The following RPTOR variants were observed in gnomAD, a reference collection of about 807,000 sequenced individuals.
The protein encoded by RPTOR is regulatory-associated protein of mTOR.
RPTOR carries 21 observed loss-of-function variants against 169.9 expected under a neutral mutation model. That is an observed-to-expected ratio of 0.12 (90% CI 0.09 to 0.18). The LOEUF (loss-of-function observed/expected upper bound fraction) is 0.18, where lower values mean the gene tolerates loss of function less well. Among genes scored for constraint, RPTOR ranks in the 10% least tolerant of loss-of-function variants. The probability of loss-of-function intolerance (pLI) is 1.00; values close to 1 mark genes in which losing one functional copy is unlikely to be tolerated. For synonymous variants in RPTOR, 732 were observed against 753.2 expected (o/e 0.97, Z 0.46); for missense variants, 1,133 against 1,855.9 (o/e 0.61, Z 7.16).
Position 80,698,589 on chromosome 17 carries a change from C to T in RPTOR, c.349-9252C>T, listed in dbSNP as rs186025522. 1.2e-4 allele frequency among the ~76,000 whole-genome samples: 19 copies of T among 152,358 alleles called. 1 individual carries two copies. Among genetic ancestry groups the T allele is most frequent in the African/African-American group, 4.6e-4 (19 of 41,580 alleles). ...CCTAGGCCGGCAGCTGGTCAACCTC[C>T]TCAGCCTCGTCACCGTTTAACATCC... On this transcript the variant is annotated intron_variant, in intron 3 of 33. Transcript: ENST00000306801.
chr17:80,960,702 C>T lies in RPTOR; in HGVS notation c.3605+497C>T. The T allele has an allele frequency of 5.1e-6, 1 of 197,392 alleles. No individual in the cohort carries two copies. Among genetic ancestry groups the T allele is most frequent in the Non-Finnish European group, 1.1e-5 (1 of 94,028 alleles). The allele number at this position is 197,392 out of a possible 1,614,324, so 12.2% of individuals were successfully genotyped here. A position where few individuals can be genotyped will look rare whatever the true frequency, so the allele number is the denominator to read the frequency against. On this transcript the variant is annotated intron_variant, in intron 30 of 33. Transcript: ENST00000306801. The surrounding 1 kb of genome is among the most constrained non-coding windows in gnomAD (Gnocchi z 4.8). ...GGTGCTGTCCGCGTCTGGCAGAGGA[C>T]AGGGTACACGCATGGGCACAGCAGC...
intron 6 of RPTOR, among the ~76,000 whole-genome samples, chr17:80,777,236 AAAAAAAAAAAAAG>A (rs2066900039): frequency 7.0e-6 from 1 of 142,504 alleles, no homozygotes. Flanking sequence ...AGACCCTCTC[AAAAAAAAAAAAAG>A]AAAAAAGAAA....
At chr17:80,751,120 A>G (rs2066625939) in intron 5 of RPTOR, among the ~76,000 whole-genome samples, 1 of 152,192 alleles carries the variant, frequency 6.6e-6, no homozygotes, top group African/African-American at 2.4e-5. Flanking sequence ...TCAGAGTCAG[A>G]TGACAGTGCG....
intron 3 of RPTOR, among the ~76,000 whole-genome samples, chr17:80,702,075 C>T (rs191899486): frequency 1.3e-5 from 2 of 152,120 alleles, no homozygotes; most frequent in East Asian, 1.9e-4. Flanking sequence ...TAAAAGTCTA[C>T]GTGGAAAATG....
At chr17:80,736,939 A>C (rs188609714) in intron 5 of RPTOR, among the ~76,000 whole-genome samples, 4 of 152,274 alleles carry the variant, frequency 2.6e-5, no homozygotes, top group Non-Finnish European at 5.9e-5. Context: ...TTTCTCTTTC[A>C]AGCAATGATT....
At chr17:80,807,077 A>C (rs2067225963) in intron 7 of RPTOR, among the ~76,000 whole-genome samples, 1 of 152,236 alleles carries the variant, frequency 6.6e-6, no homozygotes, top group Admixed American at 6.5e-5. Flanking sequence ...ACATTTTTAA[A>C]GTATCGTAGC....
intron 1 of RPTOR, among the ~76,000 whole-genome samples, chr17:80,616,549 G>A (rs1490151608): frequency 6.6e-5 from 10 of 152,068 alleles, no homozygotes; most frequent in South Asian, 2.1e-4. Flanking sequence ...TGCCTGCTTC[G>A]GCCTCCCGAC....
intron 18 of RPTOR, among the ~76,000 whole-genome samples, chr17:80,892,094 T>A (rs2068332304): frequency 6.6e-6 from 1 of 152,170 alleles, no homozygotes; most frequent in Non-Finnish European, 1.5e-5. Context: ...GACCTTGAAG[T>A]ATGACAAAAC....
intron 13 of RPTOR, among the ~76,000 whole-genome samples, chr17:80,870,796 GTAAA>G (rs2068043571): frequency 6.6e-6 from 1 of 152,216 alleles, no homozygotes; most frequent in Non-Finnish European, 1.5e-5. Flanking sequence ...GGAAAAGGTA[GTAAA>G]TAGAGTTCTC....
At chr17:80,890,359 A>C (rs2068305263) in intron 17 of RPTOR, among the ~76,000 whole-genome samples, 1 of 152,224 alleles carries the variant, frequency 6.6e-6, no homozygotes. Flanking sequence ...GCTTTGTCGG[A>C]GGCCCCGTCT....
chr17:80,665,328 T>TTTCCC (rs2065755716), intron 3 of RPTOR, among the ~76,000 whole-genome samples: 2 of 114,842 alleles, frequency 1.7e-5, no homozygotes, highest in East Asian at 2.5e-4. Flanking sequence ...TTTCTTTTCT[T>TTTCCC]TTCCCTTTCC....
chr17:80,837,095 C>CGG (rs1241270897), intron 9 of RPTOR, among the ~76,000 whole-genome samples: 1 of 151,962 alleles, frequency 6.6e-6, no homozygotes, highest in African/African-American at 2.4e-5. Flanking sequence ...TTCACCGTGA[C>CGG]GGGAAGGAGG....
At chr17:80,884,976 G>A (rs767830581) in intron 16 of RPTOR, 32 bp from the exon 17 acceptor site, 10 of 1,597,950 alleles carry the variant, frequency 6.3e-6, no homozygotes, top group Middle Eastern at 1.7e-4. Flanking sequence ...GCCCGGTGTG[G>A]GACATGCCTG....
In RPTOR at chr17:80,625,813, G is replaced by A. The variant is rs1460700508; in HGVS notation, c.265+20G>A. On this transcript the variant is annotated intron_variant, in intron 2 of 33. Transcript: ENST00000306801. ...GGATCGGTGAGTATGCCTCCCTCACGCGCTGCCACAAAGGCCGTCTGGCCG... is the reference window on the plus strand; with the variant it reads ...GGATCGGTGAGTATGCCTCCCTCACACGCTGCCACAAAGGCCGTCTGGCCG... 5.1e-6 allele frequency: 8 copies of A among 1,557,258 alleles called. No homozygotes were observed. Among genetic ancestry groups the A allele is most frequent in the African/African-American group, 2.7e-5 (2 of 74,080 alleles).
chr17:80,907,742 C>T (rs2068561844), intron 20 of RPTOR, among the ~76,000 whole-genome samples: 1 of 152,224 alleles, frequency 6.6e-6, no homozygotes, highest in Non-Finnish European at 1.5e-5. Flanking sequence ...GTCCCCATCA[C>T]CTCCGTGTTT....
intron 3 of RPTOR, among the ~76,000 whole-genome samples, chr17:80,675,228 G>A (rs1399144485): frequency 2.0e-5 from 3 of 152,078 alleles, no homozygotes; most frequent in Non-Finnish European, 2.9e-5. Flanking sequence ...TTGGCTGTTC[G>A]TCATGGTGCC....
At chr17:80,762,611 TGAA>T (rs1369692406) in intron 6 of RPTOR, among the ~76,000 whole-genome samples, 7 of 152,082 alleles carry the variant, frequency 4.6e-5, no homozygotes, top group South Asian at 2.1e-4. Context: ...ATTGGAAATA[TGAA>T]GAAGAAACAG....
At chr17:80,729,217 G>A (rs2066368097) in intron 4 of RPTOR, among the ~76,000 whole-genome samples, 1 of 152,094 alleles carries the variant, frequency 6.6e-6, no homozygotes, top group African/African-American at 2.4e-5. Flanking sequence ...CTTTCCTCTT[G>A]AGTTATAAAC....
intron 28 of RPTOR, among the ~76,000 whole-genome samples, chr17:80,953,647 G>T (rs1459232113): frequency 6.6e-6 from 1 of 152,254 alleles, no homozygotes; most frequent in Non-Finnish European, 1.5e-5. Flanking sequence ...CGGTCACCCA[G>T]ACGCCACTTC....
Sources: allele counts gnomAD v4.1 joint callset (sites outside exome capture counted in the v4.1 genomes callset), GRCh38; gene constraint gnomAD v4.1.1; non-coding constraint Gnocchi (gnomAD v3.1); transcripts MANE v1.5; gene names NCBI Gene and HGNC (gene_info 2026-07-23, HGNC 2026-07-21).